The following CTNNA2 variants were observed in gnomAD, a reference collection of about 807,000 sequenced individuals.
CTNNA2 encodes the protein catenin alpha 2, also known as catenin alpha-2.
CTNNA2 carries 42 observed loss-of-function variants against 101.0 expected under a neutral mutation model. That is an observed-to-expected ratio of 0.42 (90% CI 0.32 to 0.54). The LOEUF (loss-of-function observed/expected upper bound fraction) is 0.54. Among genes scored for constraint, CTNNA2 ranks in the 20% least tolerant of loss-of-function variants. The pLI is 0.14. For missense variants in CTNNA2, 871 were observed against 1,223.1 expected, an observed-to-expected ratio of 0.71 and a Z score of 4.29; for synonymous variants, 450 against 456.4, an observed-to-expected ratio of 0.99 and a Z score of 0.18.
At chr2:79,972,705 G>A (rs1251963317) in intron 7 of CTNNA2, among the ~76,000 whole-genome samples, 4 of 152,162 alleles carry the variant, frequency 2.6e-5, no homozygotes, top group Non-Finnish European at 4.4e-5. Flanking sequence ...TTGCAGCAGG[G>A]CATCCATTTA....
At chr2:80,465,402 TG>T (rs76935806) in intron 9 of CTNNA2, among the ~76,000 whole-genome samples, 41,593 of 152,104 alleles carry the variant, frequency 0.27, 6,532 homozygotes, top group East Asian at 0.67. Flanking sequence ...CTACCATTTT[TG>T]CAGTTACAGA....
intron 1 of CTNNA2, among the ~76,000 whole-genome samples, chr2:79,650,457 G>A (rs570234363): frequency 8.6e-5 from 13 of 152,022 alleles, no homozygotes; most frequent in African/African-American, 2.9e-4. Context: ...ATTCTCAGGG[G>A]TCAGTTATGA....
At chr2:79,216,618 G>C (rs1254906484) in intron 2 of CTNNA2, among the ~76,000 whole-genome samples, 1 of 151,734 alleles carries the variant, frequency 6.6e-6, no homozygotes, top group Non-Finnish European at 1.5e-5. Flanking sequence ...AGCAGAGAAG[G>C]GGTAGAGACA....
intron 7 of CTNNA2, among the ~76,000 whole-genome samples, chr2:80,346,272 A>C (rs1207148688): frequency 1.3e-5 from 2 of 152,234 alleles, no homozygotes; most frequent in African/African-American, 4.8e-5. Context: ...CTGTACAGGA[A>C]GCATGGCTCT....
chr2:80,364,869 G>A (rs964831656), intron 7 of CTNNA2, among the ~76,000 whole-genome samples: 1 of 152,114 alleles, frequency 6.6e-6, no homozygotes, highest in Admixed American at 6.5e-5. Context: ...GCAAGGGAAA[G>A]ATTCCCTTGA....
At chr2:80,526,955 G>T (rs1010273342) in intron 9 of CTNNA2, among the ~76,000 whole-genome samples, 5 of 152,088 alleles carry the variant, frequency 3.3e-5, no homozygotes, top group Admixed American at 1.3e-4. Flanking sequence ...TTTGAAATTT[G>T]GGAGGTAGTA....
At position 79,377,055 on chromosome 2, in the gene CTNNA2, C is replaced by A. The variant is rs563609882; in HGVS notation, c.-135+3042C>A. ...TTCTAGTTCTAGCTCCCTGAGGAATCGCCACACTGACTTCCACAATGGTTG... is the reference window on the plus strand; with the variant it reads ...TTCTAGTTCTAGCTCCCTGAGGAATAGCCACACTGACTTCCACAATGGTTG... On this transcript the variant is annotated intron_variant, in intron 4 of 21. Transcript: ENST00000466387. 1.8e-3 allele frequency among the ~76,000 whole-genome samples: 277 copies of A among 150,800 alleles called. 1 individual carries two copies. The East Asian group carries it at 0.031, about 17-fold the overall frequency.
chr2:79,413,692 G>C (rs977640664), intron 4 of CTNNA2, among the ~76,000 whole-genome samples: 1 of 151,610 alleles, frequency 6.6e-6, no homozygotes, highest in East Asian at 1.9e-4. Flanking sequence ...AGTGTGCAAG[G>C]GTTCCCTTAT....
intron 9 of CTNNA2, among the ~76,000 whole-genome samples, chr2:80,457,593 C>T (rs1419467845): frequency 2.0e-5 from 3 of 151,976 alleles, no homozygotes; most frequent in Non-Finnish European, 4.4e-5. Flanking sequence ...TTCGTAAGAT[C>T]CATTGTATTT....
chr2:80,546,009 T>C lies in CTNNA2; in HGVS notation c.1486T>C (p.Leu496=). 2 of 1,614,112 alleles carry C rather than the reference T, an allele frequency of 1.2e-6. No homozygotes were observed. The highest frequency in any genetic ancestry group is 1.7e-4 in the Middle Eastern group (1 of 6,054). Residue 496 remains leucine (L), a synonymous_variant, in exon 11 of 19, where the codon TTG becomes CTG. Coordinates refer to ENST00000402739, the MANE Select transcript of CTNNA2 (RefSeq NM_001282597.3). The part of the protein sequence containing the change: ...KDQWEKQVRV[L]TEAVDDITSV... ...CCAGTGGGAGAAGCAGGTCCGAGTG[T>C]TGACAGAGGCCGTGGATGACATCAC...
intron 7 of CTNNA2, among the ~76,000 whole-genome samples, chr2:80,080,407 C>G (rs1193792854): frequency 1.3e-5 from 2 of 152,032 alleles, no homozygotes; most frequent in African/African-American, 4.8e-5. Flanking sequence ...AAGGACACCT[C>G]GACAATTCGA....
At chr2:80,101,834 G>T (rs1484164189) in intron 7 of CTNNA2, among the ~76,000 whole-genome samples, 1 of 152,040 alleles carries the variant, frequency 6.6e-6, no homozygotes, top group Non-Finnish European at 1.5e-5. Flanking sequence ...GATTCCCAAG[G>T]GTGTAGAAAT....
chr2:79,785,372 C>T (rs997632960), intron 3 of CTNNA2, among the ~76,000 whole-genome samples: 1 of 152,190 alleles, frequency 6.6e-6, no homozygotes, highest in African/African-American at 2.4e-5. Context: ...CTTTCATCCT[C>T]GGGACATTTC....
At chr2:79,280,656 T>TGTGTGTGTGAGAGA (rs1337075035) in intron 2 of CTNNA2, among the ~76,000 whole-genome samples, 62 of 96,724 alleles carry the variant, frequency 6.4e-4, no homozygotes, top group Middle Eastern at 5.2e-3. Flanking sequence ...TGTGTGTGTG[T>TGTGTGTGTGAGAGA]AAGAGAAAGA....
At chr2:79,860,442 C>T (rs1264096795) in intron 4 of CTNNA2, among the ~76,000 whole-genome samples, 1 of 151,704 alleles carries the variant, frequency 6.6e-6, no homozygotes, top group Non-Finnish European at 1.5e-5. Context: ...TCCTGCCTCT[C>T]ATCCCACCTG....
At chr2:80,485,458 T>C (rs1055260967) in intron 9 of CTNNA2, among the ~76,000 whole-genome samples, 2 of 152,180 alleles carry the variant, frequency 1.3e-5, no homozygotes, top group Non-Finnish European at 2.9e-5. Flanking sequence ...CCCTGGAGCC[T>C]GGAATGAGGA....
At chr2:80,270,451 T>G (rs1673379357) in intron 7 of CTNNA2, among the ~76,000 whole-genome samples, 2 of 152,218 alleles carry the variant, frequency 1.3e-5, no homozygotes, top group Admixed American at 1.3e-4. Context: ...ACTCATTGTC[T>G]TAAGTGTGAT....
intron 2 of CTNNA2, among the ~76,000 whole-genome samples, chr2:79,244,484 G>A (rs1245454864): frequency 6.6e-6 from 1 of 152,134 alleles, no homozygotes; most frequent in Admixed American, 6.6e-5. Context: ...GTTGAACACA[G>A]GCACTAAGTT....
chr2:79,687,904 G>T (rs1312160775), intron 2 of CTNNA2, among the ~76,000 whole-genome samples: 1 of 152,078 alleles, frequency 6.6e-6, no homozygotes, highest in Admixed American at 6.6e-5. Context: ...TTGTGCTTCA[G>T]ATGGGAAGTT....
Sources: gnomAD v4.1 joint callset for allele counts (sites outside exome capture counted in the v4.1 genomes callset) on GRCh38, gnomAD v4.1.1 for gene constraint, MANE v1.5 for transcripts, NCBI Gene and HGNC (gene_info 2026-07-23, HGNC 2026-07-21) for gene names.